The following TMEM181 variants were observed in gnomAD, a reference collection of about 807,000 sequenced individuals.
TMEM181 encodes the protein G protein-coupled receptor 178.
Under a neutral mutation model 71.9 loss-of-function variants are expected in TMEM181, and 39 were observed. That is an observed-to-expected ratio of 0.54 (90% CI 0.42 to 0.71). The LOEUF is 0.71. Among genes scored for constraint, TMEM181 ranks in the 30% least tolerant of loss-of-function variants. The pLI is 0.00. For missense variants in TMEM181, 595 were observed against 583.0 expected (o/e 1.02, Z -0.21); for synonymous variants, 245 against 228.8 (o/e 1.07, Z -0.64).
At chr6:158,593,911 C>G (rs114025925) in intron 6 of TMEM181, among the ~76,000 whole-genome samples, 2,858 of 152,104 alleles carry the variant, frequency 0.019, 103 homozygotes, top group African/African-American at 0.065. Flanking sequence ...CATTGACACA[C>G]CACCCAGAGC....
chr6:158,590,156 C>T (rs934792829), intron 6 of TMEM181, among the ~76,000 whole-genome samples: 6 of 152,032 alleles, frequency 3.9e-5, no homozygotes, highest in Admixed American at 3.3e-4. Context: ...TTAGACTGTC[C>T]TTTCTTGTGT....
intron 1 of TMEM181, among the ~76,000 whole-genome samples, chr6:158,544,182 A>AGTGTGT (rs34605570): frequency 0.041 from 5,254 of 127,584 alleles, 113 homozygotes; most frequent in South Asian, 0.072. Flanking sequence ...AATTGGAGAG[A>AGTGTGT]GTGTGTGTGT....
At chr6:158,537,478 C>T (rs1262258308) in intron 1 of TMEM181, among the ~76,000 whole-genome samples, 1 of 152,204 alleles carries the variant, frequency 6.6e-6, no homozygotes, top group Admixed American at 6.5e-5. Context: ...CTGTCTCCCT[C>T]TTCAGCGGCC....
chr6:158,551,874 CTATGAGATGA>C (rs1781733813), intron 1 of TMEM181, among the ~76,000 whole-genome samples: 2 of 152,190 alleles, frequency 1.3e-5, no homozygotes, highest in South Asian at 4.1e-4. Flanking sequence ...TTTCCTATCA[CTATGAGATGA>C]TATGACAGAT....
intron 10 of TMEM181, chr6:158,610,729 A>T: frequency 3.4e-6 from 1 of 296,942 alleles, no homozygotes; most frequent in Non-Finnish European, 6.4e-6. Context: ...TGGGGGAAGA[A>T]TCACTCAGGC....
intron 1 of TMEM181, among the ~76,000 whole-genome samples, chr6:158,570,571 G>A (rs1364193358): frequency 1.3e-5 from 2 of 152,030 alleles, no homozygotes; most frequent in Admixed American, 1.3e-4. Context: ...CACAGGTGGG[G>A]AAACAGGTCT....
At chr6:158,608,780 A>G in intron 10 of TMEM181, 30 bp downstream of exon 10, 1 of 1,593,842 alleles carries the variant, frequency 6.3e-7, no homozygotes, top group Non-Finnish European at 8.5e-7. Flanking sequence ...GTGAAACTTC[A>G]GTCATGAAAA....
intron 1 of TMEM181, among the ~76,000 whole-genome samples, chr6:158,547,335 C>T (rs1447457676): frequency 2.0e-5 from 3 of 152,210 alleles, no homozygotes; most frequent in Non-Finnish European, 2.9e-5. Context: ...AGATCTGCCT[C>T]AGTTGGTTTG....
upstream of TMEM181, chr6:158,560,056 C>T: frequency 3.0e-6 from 3 of 985,232 alleles, no homozygotes; most frequent in Non-Finnish European, 3.6e-6. Context: ...GTGAGAGTCG[C>T]TTCCGCGCAC....
At chr6:158,560,276 A>G in intron 1 of TMEM181, 44 bp downstream of exon 1, 1 of 984,568 alleles carries the variant, frequency 1.0e-6, no homozygotes, top group Non-Finnish European at 1.2e-6. Context: ...CTCTCCGGAC[A>G]CTCCGGCCGA....
At position 158,631,834 on chromosome 6, in the gene TMEM181, G is replaced by A; in HGVS notation, c.1374G>A (p.Leu458=). ...GGAGTGACTATGAGGAAATGCCGCT[G>A]CAGAACGGCCAGGCCATCCGGGCCA... is the stretch of plus-strand genomic sequence containing the variant. ...IYGSDYEEMP[L]QNGQAIRAKY... is the part of the protein sequence containing the mutation. Residue 458 remains leucine (L), a synonymous_variant, in exon 17 of 17, where the codon CTG becomes CTA. Coordinates refer to ENST00000684151, the MANE Select transcript of TMEM181 (RefSeq NM_001376852.1). The A allele has an allele frequency of 6.2e-7, 1 of 1,601,588 alleles. No homozygotes were observed. Among genetic ancestry groups the A allele is most frequent in the Non-Finnish European group, 8.5e-7 (1 of 1,173,754 alleles).
chr6:158,604,327 CGTGCATGCGTGT>C (rs910501167), intron 6 of TMEM181, among the ~76,000 whole-genome samples: 6 of 126,106 alleles, frequency 4.8e-5, no homozygotes, highest in Non-Finnish European at 7.1e-5. Flanking sequence ...CTTGTGCATG[CGTGCATGCGTGT>C]GTGTGTGTGT....
At chr6:158,582,672 G>GA (rs1240538364) in intron 3 of TMEM181, among the ~76,000 whole-genome samples, 4 of 148,290 alleles carry the variant, frequency 2.7e-5, no homozygotes, top group South Asian at 2.1e-4. Flanking sequence ...TCTTAAAAAA[G>GA]AAAAAAAAAG....
Position 158,628,434 on chromosome 6 carries a change from G to A in TMEM181, c.1136G>A (p.Gly379Glu), listed in dbSNP as rs1339737907. 1 of 1,614,124 alleles carries A rather than the reference G, an allele frequency of 6.2e-7. No individual in the cohort carries two copies. The highest frequency in any genetic ancestry group is 1.7e-5 in the Admixed American group (1 of 60,018). The change falls in exon 14 of 17, where the codon GGG (glycine) becomes GAG (glutamate). Residue 379 changes from glycine (G) to glutamate (E), a missense_variant. Transcript: ENST00000684151. The part of the protein sequence containing the change: ...ISIAILYLRF[G>E]AQVLQDNFVA... ...ATCGCCATCCTTTATTTGAGATTTG[G>A]GGCGCAAGTACTACAAGACAATTTT...
chr6:158,605,131 AGTGTGTGTGTGTGT>A (rs71030178), intron 6 of TMEM181, 122 bp from the exon 7 acceptor site: 3 of 161,154 alleles, frequency 1.9e-5, no homozygotes, highest in South Asian at 7.4e-5. Flanking sequence ...AAAAAAAAAA[AGTGTGTGTGTGTGT>A]GTGTGTGTGT....
chr6:158,546,329 G>A (rs1781525718), intron 1 of TMEM181, among the ~76,000 whole-genome samples: 1 of 152,232 alleles, frequency 6.6e-6, no homozygotes, highest in Admixed American at 6.5e-5. Flanking sequence ...AGCTATGTCA[G>A]GGACAGCTAG....
Position 158,589,708 on chromosome 6 carries a change from C to T in TMEM181, c.418C>T (p.Leu140=). Reference sequence around the variant, plus strand: ...GATTATTGTGGCTCACCTTGGCTACCTGAACTACACTCAGTATACAGTGAT... The same window carrying T: ...GATTATTGTGGCTCACCTTGGCTACTTGAACTACACTCAGTATACAGTGAT... The part of the protein sequence containing the change: ...AEIIVAHLGY[L]NYTQYTVIVG... Residue 140 remains leucine, a synonymous_variant, in exon 6 of 17, where the codon CTG becomes TTG. Coordinates refer to ENST00000684151, the MANE Select transcript of TMEM181 (RefSeq NM_001376852.1). 1 of 1,614,096 alleles carries T rather than the reference C, an allele frequency of 6.2e-7. No homozygotes were observed. Among genetic ancestry groups the T allele is most frequent in the Non-Finnish European group, 8.5e-7 (1 of 1,180,018 alleles).
At chr6:158,546,154 TGCTCCTG>T (rs1274005098) in intron 1 of TMEM181, among the ~76,000 whole-genome samples, 1 of 152,206 alleles carries the variant, frequency 6.6e-6, no homozygotes, top group Non-Finnish European at 1.5e-5. Context: ...AGGTCAAGCA[TGCTCCTG>T]CCTCGTGGTG....
In TMEM181 at chr6:158,607,297, G is replaced by A. The variant is rs751697448; in HGVS notation, c.627G>A (p.Glu209=). 6.2e-6 allele frequency: 10 copies of A among 1,614,122 alleles called. No homozygotes were observed. The East Asian group carries it at 1.8e-4, about 29-fold the overall frequency. ...TTTCCATGAGAGACTGGGGCATCGA[G>A]CAGAAGTGGATGTCTGTTCTCCTGC... ...RKFSMRDWGI[E]QKWMSVLLPL... The change falls in exon 8 of 17, where the codon GAG becomes GAA. Residue 209 remains glutamate (E), a synonymous_variant. Transcript: ENST00000684151.
Sources: allele counts gnomAD v4.1 joint callset (sites outside exome capture counted in the v4.1 genomes callset), GRCh38; gene constraint gnomAD v4.1.1; transcripts MANE v1.5; gene names NCBI Gene and HGNC (gene_info 2026-07-23, HGNC 2026-07-21).